MAS1: variants seen among roughly 807,000 people sequenced by gnomAD.
MAS1 encodes the protein MAS1 proto-oncogene, G protein-coupled receptor.
For missense variants in MAS1, 387 were observed against 409.7 expected (o/e 0.94, Z 0.48); for synonymous variants, 163 against 164.2 (o/e 0.99, Z 0.05).
intron 2 of MAS1, among the ~76,000 whole-genome samples, chr6:159,901,120 G>A (rs1471512731): frequency 3.3e-5 from 5 of 152,146 alleles, no homozygotes; most frequent in Non-Finnish European, 1.5e-5. Context: ...CACAGAGAGA[G>A]ATCTCTTATG....
chr6:159,889,774 C>T (rs79740883), upstream of MAS1, among the ~76,000 whole-genome samples: 89 of 152,352 alleles, frequency 5.8e-4, no homozygotes, highest in African/African-American at 2.1e-3. Context: ...TCAGCACTGC[C>T]TACCCAGTAG....
At chr6:159,889,857 T>C (rs1490580191), upstream of MAS1, among the ~76,000 whole-genome samples, 2 of 152,182 alleles carry the variant, frequency 1.3e-5, 1 homozygote, top group East Asian at 3.8e-4. Context: ...GAGCTGCTGG[T>C]CAGGCTTCCC....
rs370639629 is a variant in MAS1, at chr6:159,907,875, T to C, written c.920T>C (p.Met307Thr). The C allele has an allele frequency of 4.9e-5, 79 of 1,610,922 alleles. No individual in the cohort carries two copies. The African/African-American group carries it at 7.0e-4, about 14-fold the overall frequency. The change falls in exon 3 of 3, where the codon ATG (methionine) becomes ACG (threonine). Residue 307 changes from methionine (M) to threonine (T), a missense_variant. By Grantham distance (81) the Met-to-Thr change is moderately conservative (BLOSUM62 -1). Transcript: ENST00000674077. ...CTGACCAGGGCTTTCAAAGATGAAA[T>C]GCAACCTCGGCGCCAGAAAGACAAT... ...VVLTRAFKDE[M>T]QPRRQKDNCN...
At chr6:159,891,624 T>G (rs561959286) in intron 1 of MAS1, among the ~76,000 whole-genome samples, 10 of 152,340 alleles carry the variant, frequency 6.6e-5, no homozygotes, top group Admixed American at 6.5e-4. Context: ...TTTTCTTCAT[T>G]TTTCCTTAGT....
rs879360705 is a variant in MAS1 at position 159,908,185 on chromosome 6, T to C, written c.*252T>C. 5.8e-6 allele frequency: 2 copies of C among 345,894 alleles called. No individual in the cohort carries two copies. Among genetic ancestry groups the C allele is most frequent in the Non-Finnish European group, 1.0e-5 (2 of 192,734 alleles). The allele number at this position is 345,894 out of a possible 1,614,324, so 21.4% of individuals were successfully genotyped here. On this transcript the variant is annotated 3_prime_UTR_variant, in exon 3 of 3. Coordinates refer to ENST00000674077, the MANE Select transcript of MAS1 (RefSeq NM_002377.4). ...AGCATCTTACCATGAACCATAAAAATGACTTTTGCAGGAAGATTTACAGAT... is the reference window on the plus strand; with the variant it reads ...AGCATCTTACCATGAACCATAAAAACGACTTTTGCAGGAAGATTTACAGAT...
chr6:159,913,385 A>G lies in MAS1; in HGVS notation c.*5452A>G, dbSNP rs935999080. On this transcript the variant is annotated 3_prime_UTR_variant, in exon 3 of 3. Coordinates refer to ENST00000674077, the MANE Select transcript of MAS1 (RefSeq NM_002377.4). ...CTCAAAAAAAAGAAAAATTATGCCA[A>G]AAAATTAAGTACTTTTGTGGCTTAA... 6.6e-6 allele frequency: 1 copy of G among 152,226 alleles called. No homozygotes were observed. Among genetic ancestry groups the G allele is most frequent in the Non-Finnish European group, 1.5e-5 (1 of 68,026 alleles). 9.4% of individuals were successfully genotyped at this position (152,226 alleles called of 1,614,324 possible).
chr6:159,905,055 G>A (rs1176612085), intron 2 of MAS1, among the ~76,000 whole-genome samples: 2 of 152,158 alleles, frequency 1.3e-5, no homozygotes, highest in Non-Finnish European at 2.9e-5. Context: ...CTTTAATGAT[G>A]CTTTACTTTT....
rs2115125216 is a variant in MAS1, at chr6:159,913,504, T to G, written c.*5571T>G. ...CTTGTAGTTGTAGTGAGTTGTTGGC[T>G]GAGGCAGAAGCCACCTGAAGGCTTG... On this transcript the variant is annotated 3_prime_UTR_variant, in exon 3 of 3. Transcript: ENST00000674077. The G allele has an allele frequency of 6.6e-6, 1 of 152,372 alleles. No homozygotes were observed. Among genetic ancestry groups the G allele is most frequent in the African/African-American group, 2.4e-5 (1 of 41,588 alleles). The allele number at this position is 152,372 out of a possible 1,614,324, so 9.4% of individuals were successfully genotyped here.
In MAS1 at chr6:159,909,239, C is replaced by A. The variant is rs1562313257; in HGVS notation, c.*1306C>A. On this transcript the variant is annotated 3_prime_UTR_variant, in exon 3 of 3. Transcript: ENST00000674077. ...TTTCCTTCTGTCCCTTCTAGGAGTT[C>A]CACAAAAGGGCAATATGTCACATGA... is the stretch of plus-strand genomic sequence containing the variant. 2 of 152,186 alleles carry A rather than the reference C, an allele frequency of 1.3e-5. No individual in the cohort carries two copies. The highest frequency in any genetic ancestry group is 2.9e-5 in the Non-Finnish European group (2 of 68,044). The allele number at this position is 152,186 out of a possible 1,614,324, so 9.4% of individuals were successfully genotyped here.
At chr6:159,904,650 A>G (rs1782863269) in intron 2 of MAS1, among the ~76,000 whole-genome samples, 1 of 152,162 alleles carries the variant, frequency 6.6e-6, no homozygotes, top group Non-Finnish European at 1.5e-5. Context: ...CACAGGGGCC[A>G]TACCGAGGCT....
chr6:159,903,910 T>C (rs536366316), intron 2 of MAS1, among the ~76,000 whole-genome samples: 5 of 152,314 alleles, frequency 3.3e-5, no homozygotes, highest in African/African-American at 1.2e-4. Context: ...GCATCAGGCA[T>C]TCATTTTGTC....
At position 159,914,831 on chromosome 6, in the gene MAS1, G is replaced by C. The variant is rs1364911714; in HGVS notation, c.*6898G>C. 6.6e-6 allele frequency: 1 copy of C among 152,242 alleles called. No individual in the cohort carries two copies. Among genetic ancestry groups the C allele is most frequent in the Non-Finnish European group, 1.5e-5 (1 of 68,082 alleles). 9.4% of individuals were successfully genotyped at this position (152,242 alleles called of 1,614,324 possible). A position where few individuals can be genotyped will look rare whatever the true frequency, so the allele number is the denominator to read the frequency against. On this transcript the variant is annotated 3_prime_UTR_variant, in exon 3 of 3. Coordinates refer to ENST00000674077, the MANE Select transcript of MAS1 (RefSeq NM_002377.4). ...TCCCATGAAGATGACCAGATCAGTG[G>C]GGAGATAAAATGCTCACCTGTAATT...
rs1782961821 is a variant in MAS1, at chr6:159,911,327, CCTTTTTT to C, written c.*3395_*3401del. 1.4e-5 allele frequency: 2 copies of C among 141,464 alleles called. No individual in the cohort carries two copies. Among genetic ancestry groups the C allele is most frequent in the African/African-American group, 5.4e-5 (2 of 37,292 alleles). 8.8% of individuals were successfully genotyped at this position (141,464 alleles called of 1,614,324 possible). A position where few individuals can be genotyped will look rare whatever the true frequency, so the allele number is the denominator to read the frequency against. ...TTTCTTTTTTCTTTTCTTTTCTTTT[CCTTTTTT>C]TTTTTTTTTTTTTTTTTTGAGACAG... On this transcript the variant is annotated 3_prime_UTR_variant, in exon 3 of 3. Coordinates refer to ENST00000674077, the MANE Select transcript of MAS1 (RefSeq NM_002377.4).
intron 2 of MAS1, among the ~76,000 whole-genome samples, chr6:159,904,676 C>A (rs1044925298): frequency 6.6e-6 from 1 of 152,136 alleles, no homozygotes; most frequent in Non-Finnish European, 1.5e-5. Context: ...CGCCTCAGTC[C>A]CCCAAGTTAA....
In MAS1 at chr6:159,911,006, C is replaced by T. The variant is rs1782958557; in HGVS notation, c.*3073C>T. 1 of 152,200 alleles carries T rather than the reference C, an allele frequency of 6.6e-6. No homozygotes were observed. The highest frequency in any genetic ancestry group is 6.5e-5 in the Admixed American group (1 of 15,276). The allele number at this position is 152,200 out of a possible 1,614,324, so 9.4% of individuals were successfully genotyped here. ...TAGTTTGCTACATTTTTCTCCAGCT[C>T]TCTTTTTGAATCCTATCTTCCTGAT... On this transcript the variant is annotated 3_prime_UTR_variant, in exon 3 of 3. Coordinates refer to ENST00000674077, the MANE Select transcript of MAS1 (RefSeq NM_002377.4).
At chr6:159,906,789 A>T (rs1267357963) in intron 2 of MAS1, 131 bp from the exon 3 acceptor site, 3 of 672,042 alleles carry the variant, frequency 4.5e-6, no homozygotes, top group African/African-American at 1.8e-5. Flanking sequence ...TGACAAAGAT[A>T]ACTGTAGAGT....
In MAS1 at chr6:159,916,256, C is replaced by G. The variant is rs1783021670; in HGVS notation, c.*8323C>G. 6.6e-6 allele frequency: 1 copy of G among 152,206 alleles called. No individual in the cohort carries two copies. The highest frequency in any genetic ancestry group is 2.4e-5 in the African/African-American group (1 of 41,444). 9.4% of individuals were successfully genotyped at this position (152,206 alleles called of 1,614,324 possible). ...TAAGCCAGGCCCGGAAGGACAAAGA[C>G]TGTATGATTCCACTCATATGAGGGG... On this transcript the variant is annotated 3_prime_UTR_variant, in exon 3 of 3. Transcript: ENST00000674077.
At chr6:159,896,281 T>TGA (rs1782753226) in intron 1 of MAS1, among the ~76,000 whole-genome samples, 1 of 152,150 alleles carries the variant, frequency 6.6e-6, no homozygotes, top group Admixed American at 6.5e-5. Flanking sequence ...GTTGACAGGG[T>TGA]GAGACCCTGT....
rs1434253367 is a variant in MAS1 at position 159,915,900 on chromosome 6, C to T, written c.*7967C>T. Reference sequence around the variant, plus strand: ...GGAGCCGTGGCGCCGACCCCCACCTCCTGCCCCTCAATAGGGAGCATCACT... The same window carrying T: ...GGAGCCGTGGCGCCGACCCCCACCTTCTGCCCCTCAATAGGGAGCATCACT... On this transcript the variant is annotated 3_prime_UTR_variant, in exon 3 of 3. Transcript: ENST00000674077. 2 of 152,512 alleles carry T rather than the reference C, an allele frequency of 1.3e-5. No individual in the cohort carries two copies. The highest frequency in any genetic ancestry group is 2.9e-5 in the Non-Finnish European group (2 of 68,264). 9.4% of individuals were successfully genotyped at this position (152,512 alleles called of 1,614,324 possible).
Sources: gnomAD v4.1 joint callset for allele counts (sites outside exome capture counted in the v4.1 genomes callset) on GRCh38, gnomAD v4.1.1 for gene constraint, MANE v1.5 for transcripts, NCBI Gene and HGNC (gene_info 2026-07-23, HGNC 2026-07-21) for gene names.